PLEKHG3: variants seen among roughly 807,000 people sequenced by gnomAD.
PLEKHG3 encodes pleckstrin homology and RhoGEF domain containing G3.
PLEKHG3 carries 62 observed loss-of-function variants against 94.9 expected under a neutral mutation model. The observed-to-expected ratio is 0.65, with a 90% CI of 0.53 to 0.81. The LOEUF (loss-of-function observed/expected upper bound fraction) is 0.81. Ranked by LOEUF, PLEKHG3 falls within the 30% of genes least tolerant of loss-of-function variation. The pLI, the probability that PLEKHG3 is intolerant of heterozygous loss-of-function variation, is 0.00. For missense variants in PLEKHG3, 1,461 were observed against 1,619.3 expected, an observed-to-expected ratio of 0.90 and a Z score of 1.68; for synonymous variants, 614 against 654.0, an observed-to-expected ratio of 0.94 and a Z score of 0.93.
chr14:64,714,215 A>G (rs1463111450), intron 1 of PLEKHG3, among the ~76,000 whole-genome samples: 1 of 152,214 alleles, frequency 6.6e-6, no homozygotes, highest in African/African-American at 2.4e-5. Context: ...ACTTCAAAGC[A>G]AGGTTTTGGA....
intron 15 of PLEKHG3, among the ~76,000 whole-genome samples, chr14:64,740,055 C>A (rs1378520934): frequency 6.6e-6 from 1 of 152,204 alleles, no homozygotes; most frequent in Non-Finnish European, 1.5e-5. Context: ...ATGTAATCAA[C>A]ATAAAAAGTT....
Position 64,717,213 on chromosome 14 carries a change from A to G in PLEKHG3, c.-39-10380A>G, listed in dbSNP as rs1324756536. 6.6e-6 allele frequency among the ~76,000 whole-genome samples: 1 copy of G among 152,108 alleles called. No homozygotes were observed. The highest frequency in any genetic ancestry group is 1.9e-4 in the East Asian group (1 of 5,186). On this transcript the variant is annotated intron_variant, in intron 1 of 16. Coordinates refer to ENST00000247226, the MANE Select transcript of PLEKHG3 (RefSeq NM_001308147.2). This position sits in a 1 kb window ranked among gnomAD's most constrained non-coding sequence, Gnocchi z 4.7. ...CTTCTCTGGGTCAGGCACCAAGCCCAAGGTCAGAGCCCAGGGCAAAGAAAG... is the reference window on the plus strand; with the variant it reads ...CTTCTCTGGGTCAGGCACCAAGCCCGAGGTCAGAGCCCAGGGCAAAGAAAG...
rs914832927 is a variant in PLEKHG3 at position 64,722,642 on chromosome 14, C to T, written c.-39-4951C>T. 2.0e-5 allele frequency among the ~76,000 whole-genome samples: 3 copies of T among 152,256 alleles called. No homozygotes were observed. The highest frequency in any genetic ancestry group is 1.9e-4 in the East Asian group (1 of 5,160). On this transcript the variant is annotated intron_variant, in intron 1 of 16. Coordinates refer to ENST00000247226, the MANE Select transcript of PLEKHG3 (RefSeq NM_001308147.2). This position sits in a 1 kb window ranked among gnomAD's most constrained non-coding sequence, Gnocchi z 4.3. Reference sequence around the variant, plus strand: ...GCCTGGCTCCAAAGCAGCTGTGGTGCGGTGTGGCTTCTCATTCTTGAGTGT... The same window carrying T: ...GCCTGGCTCCAAAGCAGCTGTGGTGTGGTGTGGCTTCTCATTCTTGAGTGT...
chr14:64,729,931 T>G (rs1166287212), intron 3 of PLEKHG3, among the ~76,000 whole-genome samples: 1 of 152,140 alleles, frequency 6.6e-6, no homozygotes, highest in Non-Finnish European at 1.5e-5. Context: ...ATCCTCTGCT[T>G]TTGTGTGTTT....
intron 13 of PLEKHG3, 121 bp from the exon 14 acceptor site, chr14:64,737,235 C>T: frequency 1.3e-6 from 1 of 750,030 alleles, no homozygotes; most frequent in Non-Finnish European, 2.4e-6. Flanking sequence ...GGAGCAGGAG[C>T]CCCCAGTGAG....
intron 1 of PLEKHG3, among the ~76,000 whole-genome samples, chr14:64,706,729 C>T (rs940806705): frequency 6.6e-6 from 1 of 152,256 alleles, no homozygotes; most frequent in East Asian, 1.9e-4. Flanking sequence ...AGCTATCCCA[C>T]GGTCACTGTT....
Position 64,747,211 on chromosome 14 carries a change from TGG to T in PLEKHG3, c.*3510_*3511del, listed in dbSNP as rs941716643. ...TTTGGCACACGTGGAAGGGGGAGGGTGGGCCCTTGTCCCTAGGCTCCCTAAAG... is the reference window on the plus strand; with the variant it reads ...TTTGGCACACGTGGAAGGGGGAGGGTGCCCTTGTCCCTAGGCTCCCTAAAG... On this transcript the variant is annotated 3_prime_UTR_variant, in exon 17 of 17. Transcript: ENST00000247226. 10 of 152,438 alleles carry T rather than the reference TGG, an allele frequency of 6.6e-5. No individual in the cohort carries two copies. Among genetic ancestry groups the T allele is most frequent in the African/African-American group, 2.2e-4 (9 of 41,514 alleles). 9.4% of individuals were successfully genotyped at this position (152,438 alleles called of 1,614,324 possible). A position where few individuals can be genotyped will look rare whatever the true frequency, so the allele number is the denominator to read the frequency against.
rs72724480 is a variant in PLEKHG3 at position 64,744,209 on chromosome 14, T to C, written c.*506T>C. 0.012 allele frequency: 1,829 copies of C among 153,404 alleles called. 16 individuals carry two copies. The highest frequency in any genetic ancestry group is 0.021 in the African/African-American group (882 of 41,578). 9.5% of individuals were successfully genotyped at this position (153,404 alleles called of 1,614,324 possible). On this transcript the variant is annotated 3_prime_UTR_variant, in exon 17 of 17. Coordinates refer to ENST00000247226, the MANE Select transcript of PLEKHG3 (RefSeq NM_001308147.2). ...TGTGCGTGAGTGTGTGGCCCCTGTTTATTCCCCTCCTGTCAAGAATGAAGT... is the reference window on the plus strand; with the variant it reads ...TGTGCGTGAGTGTGTGGCCCCTGTTCATTCCCCTCCTGTCAAGAATGAAGT...
In PLEKHG3 at chr14:64,727,995, G is replaced by T. The variant is rs2081386624; in HGVS notation, c.351+13G>T. The T allele has an allele frequency of 1.4e-6, 2 of 1,480,738 alleles. No individual in the cohort carries two copies. The highest frequency in any genetic ancestry group is 9.2e-7 in the Non-Finnish European group (1 of 1,087,418). 91.7% of individuals were successfully genotyped at this position (1,480,738 alleles called of 1,614,324 possible). A position where few individuals can be genotyped will look rare whatever the true frequency, so the allele number is the denominator to read the frequency against. Reference sequence around the variant, plus strand: ...CAGCATCGTGGAGGTGCGTGTCGGAGGCCTTGCGGCACAGTATTCTAGCAG... The same window carrying T: ...CAGCATCGTGGAGGTGCGTGTCGGATGCCTTGCGGCACAGTATTCTAGCAG... On this transcript the variant is annotated intron_variant, in intron 2 of 16. Coordinates refer to ENST00000247226, the MANE Select transcript of PLEKHG3 (RefSeq NM_001308147.2). The surrounding 1 kb of genome is among the most constrained non-coding windows in gnomAD (Gnocchi z 6.0).
intron 1 of PLEKHG3, among the ~76,000 whole-genome samples, chr14:64,707,905 C>A (rs1182659152): frequency 6.6e-6 from 1 of 152,156 alleles, no homozygotes; most frequent in East Asian, 1.9e-4. Flanking sequence ...TTACCACATG[C>A]GGCATCATGG....
At chr14:64,719,722 C>T (rs976538175) in intron 1 of PLEKHG3, among the ~76,000 whole-genome samples, 2 of 151,988 alleles carry the variant, frequency 1.3e-5, no homozygotes, top group African/African-American at 4.8e-5. Context: ...GAACCTGAGG[C>T]AGTAGTAAAA....
In PLEKHG3 at chr14:64,741,733, G is replaced by A. The variant is rs373906256; in HGVS notation, c.2216G>A (p.Arg739Gln). Reference sequence around the variant, plus strand: ...GATGCAGGCTTCAGCGTCCGTCGCCGGGAGAGCCTCTCCTACATCCCCAAA... The same window carrying A: ...GATGCAGGCTTCAGCGTCCGTCGCCAGGAGAGCCTCTCCTACATCCCCAAA... ...HHDAGFSVRR[R>Q]ESLSYIPKGL... The change falls in exon 16 of 17, where the codon CGG becomes CAG. Residue 739 changes from arginine (R) to glutamine (Q), a missense_variant. This residue lies in a region of PLEKHG3 where 1,201 missense variants were observed against 1,295.5 expected (regional missense o/e 0.93). Coordinates refer to ENST00000247226, the MANE Select transcript of PLEKHG3 (RefSeq NM_001308147.2). 7 of 1,612,992 alleles carry A rather than the reference G, an allele frequency of 4.3e-6. No homozygotes were observed. Among genetic ancestry groups the A allele is most frequent in the African/African-American group, 1.3e-5 (1 of 74,938 alleles).
intron 1 of PLEKHG3, among the ~76,000 whole-genome samples, chr14:64,706,852 C>T (rs970015181): frequency 3.9e-5 from 6 of 152,260 alleles, no homozygotes; most frequent in Admixed American, 2.6e-4. Context: ...GCTCCCAGAA[C>T]CTTGTGAAGG....
At chr14:64,733,772 T>G (rs2081518850) in intron 12 of PLEKHG3, among the ~76,000 whole-genome samples, 2 of 152,264 alleles carry the variant, frequency 1.3e-5, no homozygotes, top group South Asian at 4.1e-4. Context: ...TCTTGGATTA[T>G]TGGAATGAAT....
At position 64,738,239 on chromosome 14, in the gene PLEKHG3, C is replaced by T. The variant is rs1024764946; in HGVS notation, c.1405-503C>T. ...GGGGCGCTATGGTGAGGTGTCTCTT[C>T]GATCTCCCCTCCTCCTTGCATGCTC... On this transcript the variant is annotated intron_variant, in intron 14 of 16. Transcript: ENST00000247226. The surrounding 1 kb of genome is among the most constrained non-coding windows in gnomAD (Gnocchi z 4.8). 1.5e-5 allele frequency: 19 copies of T among 1,279,560 alleles called. No individual in the cohort carries two copies. The South Asian group carries it at 1.5e-4, about 10-fold the overall frequency. 79.3% of individuals were successfully genotyped at this position (1,279,560 alleles called of 1,614,324 possible).
Position 64,730,919 on chromosome 14 carries a change from G to T in PLEKHG3, c.687G>T (p.Gln229His). Reference protein sequence around the residue: ...PLGSYLLKPVQRILKYHLLLQ... With the variant: ...PLGSYLLKPVHRILKYHLLLQ... ...GCTCCTACCTGCTGAAGCCAGTCCA[G>T]CGCATCCTCAAGTACCACCTGCTGC... The change falls in exon 6 of 17, where the codon CAG becomes CAT. Residue 229 changes from glutamine (Q) to histidine (H), a missense_variant. Around this residue, in one of 3 missense-constraint regions of PLEKHG3, gnomAD observed 7 missense variants for 26.0 expected, o/e 0.27. Coordinates refer to ENST00000247226, the MANE Select transcript of PLEKHG3 (RefSeq NM_001308147.2). This position sits in a 1 kb window ranked among gnomAD's most constrained non-coding sequence, Gnocchi z 5.4. 6.2e-7 allele frequency: 1 copy of T among 1,613,102 alleles called. No homozygotes were observed. Among genetic ancestry groups the T allele is most frequent in the Non-Finnish European group, 8.5e-7 (1 of 1,179,958 alleles).
At position 64,730,586 on chromosome 14, in the gene PLEKHG3, A is replaced by G. The variant is rs17102018; in HGVS notation, c.520-56A>G. The G allele has an allele frequency of 9.3e-3, 13,527 of 1,460,056 alleles. 993 individuals carry two copies. In the African/African-American group the frequency reaches 0.16, roughly 17 times the overall value. The allele number at this position is 1,460,056 out of a possible 1,614,324, so 90.4% of individuals were successfully genotyped here. On this transcript the variant is annotated intron_variant, in intron 4 of 16. Coordinates refer to ENST00000247226, the MANE Select transcript of PLEKHG3 (RefSeq NM_001308147.2). The surrounding 1 kb of genome is among the most constrained non-coding windows in gnomAD (Gnocchi z 5.4). ...GGCCAGGGGCCTATCTGCTACCACC[A>G]TCTTTACTGTCAAATGAGAATCTCC... is the stretch of plus-strand genomic sequence containing the variant.
rs758679699 is a variant in PLEKHG3, at chr14:64,727,842, G to C, written c.211G>C (p.Val71Leu). 6.2e-7 allele frequency: 1 copy of C among 1,613,274 alleles called. No homozygotes were observed. The highest frequency in any genetic ancestry group is 2.2e-5 in the East Asian group (1 of 44,860). ...CAACAACTCCAGCAGCTGGTTGAAC[G>C]TGAAGGGGCCCCTCTCCCCGTTCAA... Reference protein sequence around the residue: ...SNNNSSSWLNVKGPLSPFNSR... With the variant: ...SNNNSSSWLNLKGPLSPFNSR... The change falls in exon 2 of 17, where the codon GTG (valine) becomes CTG (leucine). Residue 71 changes from valine (V) to leucine (L), a missense_variant. By Grantham distance (32) the Val-to-Leu change is conservative. Transcript: ENST00000247226. The surrounding 1 kb of genome is among the most constrained non-coding windows in gnomAD (Gnocchi z 6.0).
chr14:64,714,772 T>G (rs371754234), intron 1 of PLEKHG3, among the ~76,000 whole-genome samples: 19 of 152,280 alleles, frequency 1.2e-4, no homozygotes, highest in African/African-American at 4.6e-4. Context: ...GTGCTCCCAC[T>G]GGGGATGCCT....
Sources: gnomAD v4.1 joint callset for allele counts (sites outside exome capture counted in the v4.1 genomes callset) on GRCh38, gnomAD v4.1.1 for gene constraint, gnomAD v4.1.1 regional missense constraint, Gnocchi (gnomAD v3.1) non-coding constraint, MANE v1.5 for transcripts, NCBI Gene and HGNC (gene_info 2026-07-23, HGNC 2026-07-21) for gene names.